GHR: variants seen among roughly 807,000 people sequenced by gnomAD.
GHR encodes the protein GH receptor.
In GHR, 35 loss-of-function variants were observed where a neutral mutation model predicts 67.1. The observed-to-expected ratio is 0.52, with a 90% CI of 0.40 to 0.69. The LOEUF is 0.69. GHR is among the 30% of genes least tolerant of loss of function. The probability of loss-of-function intolerance (pLI) is 0.00; values close to 1 mark genes in which losing one functional copy is unlikely to be tolerated. For missense variants in GHR, 792 were observed against 764.6 expected, an observed-to-expected ratio of 1.04 and a Z score of -0.42; for synonymous variants, 272 against 269.1, an observed-to-expected ratio of 1.01 and a Z score of -0.10.
intron 2 of GHR, among the ~76,000 whole-genome samples, chr5:42,580,904 C>G (rs1314304057): frequency 1.3e-5 from 2 of 152,190 alleles, no homozygotes; most frequent in East Asian, 1.9e-4. Flanking sequence ...TAAAATCACT[C>G]TCCTCTCTCC....
intron 3 of GHR, among the ~76,000 whole-genome samples, chr5:42,658,621 A>G (rs910397392): frequency 1.3e-5 from 2 of 152,306 alleles, no homozygotes; most frequent in Admixed American, 1.3e-4. Context: ...TTCTCATACC[A>G]TAGTGGTTCT....
chr5:42,666,368 GATCT>G (rs1375841969), intron 3 of GHR, among the ~76,000 whole-genome samples: 5 of 152,138 alleles, frequency 3.3e-5, no homozygotes, highest in African/African-American at 1.2e-4. Flanking sequence ...CATTGTTAAT[GATCT>G]ATCTCTTACA....
intron 1 of GHR, among the ~76,000 whole-genome samples, chr5:42,558,197 C>T (rs894805614): frequency 6.6e-6 from 1 of 152,088 alleles, no homozygotes; most frequent in African/African-American, 2.4e-5. Context: ...AAAAAAGCAA[C>T]CTTCCACAGA....
At chr5:42,565,969 C>T in intron 2 of GHR, 25 bp downstream of exon 2, 1 of 1,613,550 alleles carries the variant, frequency 6.2e-7, no homozygotes, top group Non-Finnish European at 8.5e-7. Flanking sequence ...TCCATTTCCA[C>T]CCTCAGTGTT....
chr5:42,708,109 A>G (rs1380521286), intron 6 of GHR, among the ~76,000 whole-genome samples: 1 of 152,170 alleles, frequency 6.6e-6, no homozygotes, highest in African/African-American at 2.4e-5. Flanking sequence ...TAAATATAAC[A>G]AAGTACAAAA....
rs368476642 is a variant in GHR, at chr5:42,572,442, CTCA to C, written c.70+6504_70+6506del. ...CATCTTCAAACCCAAAGCAAACTTCCTCATCATCTGTAGTTAGCAGCATGAAGA... is the reference window on the plus strand; with the variant it reads ...CATCTTCAAACCCAAAGCAAACTTCCTCATCTGTAGTTAGCAGCATGAAGA... On this transcript the variant is annotated intron_variant, in intron 2 of 9. Coordinates refer to ENST00000230882, the MANE Select transcript of GHR (RefSeq NM_000163.5). 5.9e-5 allele frequency among the ~76,000 whole-genome samples: 9 copies of C among 152,314 alleles called. No homozygotes were observed. The East Asian group carries it at 1.7e-3, about 29-fold the overall frequency.
intron 1 of GHR, among the ~76,000 whole-genome samples, chr5:42,534,616 C>G (rs1466816471): frequency 6.6e-6 from 1 of 151,890 alleles, no homozygotes; most frequent in African/African-American, 2.4e-5. Flanking sequence ...AATTGTGCTG[C>G]TATAAATGTG....
intron 6 of GHR, among the ~76,000 whole-genome samples, chr5:42,710,511 A>G (rs760743877): frequency 5.9e-5 from 9 of 152,176 alleles, no homozygotes; most frequent in Non-Finnish European, 1.3e-4. Context: ...CCTCCCCGAG[A>G]AGGTAAAGGA....
At chr5:42,432,386 G>A (rs1282323528) in intron 1 of GHR, among the ~76,000 whole-genome samples, 1 of 152,148 alleles carries the variant, frequency 6.6e-6, no homozygotes, top group South Asian at 2.1e-4. Flanking sequence ...TGCTGTAAAT[G>A]ATCATCTTGA....
chr5:42,664,043 G>A (rs1484603678), intron 3 of GHR, among the ~76,000 whole-genome samples: 1 of 152,190 alleles, frequency 6.6e-6, no homozygotes, highest in Non-Finnish European at 1.5e-5. Flanking sequence ...CAAGGGACAT[G>A]AAGGACCTCT....
At chr5:42,627,461 T>A (rs1368371423) in intron 2 of GHR, among the ~76,000 whole-genome samples, 2 of 152,242 alleles carry the variant, frequency 1.3e-5, no homozygotes, top group African/African-American at 4.8e-5. Flanking sequence ...TCATACTTTA[T>A]CATTTGAAAA....
rs561253136 is a variant in GHR, at chr5:42,482,773, C to T, written c.-12+58818C>T. ...GGGAGTGACCTGATTTTCCAGGTGC[C>T]GTCTGTCACCCCTTTCTTTGACTAG... On this transcript the variant is annotated intron_variant, in intron 1 of 9. Transcript: ENST00000230882. Among the ~76,000 whole-genome samples, 347 of 152,214 alleles carry T rather than the reference C, an allele frequency of 2.3e-3. 1 individual carries two copies. The highest frequency in any genetic ancestry group is 8.0e-3 in the African/African-American group (333 of 41,554).
At chr5:42,467,881 A>G (rs1183253058) in intron 1 of GHR, 3 of 838,124 alleles carry the variant, frequency 3.6e-6, no homozygotes, top group Non-Finnish European at 5.8e-6. Flanking sequence ...CAGATTTCTT[A>G]CATTTCTGGT....
At chr5:42,628,141 G>A (rs948629064) in intron 2 of GHR, among the ~76,000 whole-genome samples, 11 of 152,124 alleles carry the variant, frequency 7.2e-5, no homozygotes, top group African/African-American at 2.2e-4. Context: ...CTGTCTGCTG[G>A]TCAGCTGGCT....
At chr5:42,579,445 G>A (rs901941430) in intron 2 of GHR, among the ~76,000 whole-genome samples, 4 of 152,178 alleles carry the variant, frequency 2.6e-5, no homozygotes, top group Admixed American at 6.5e-5. Context: ...GTTCCAGGGA[G>A]TACTCAGAGG....
At chr5:42,626,011 TC>T (rs34646635) in intron 2 of GHR, among the ~76,000 whole-genome samples, 47,651 of 151,574 alleles carry the variant, frequency 0.31, 8,076 homozygotes, top group African/African-American at 0.46. Context: ...ATAAAACCCA[TC>T]CTGATGAGAA....
intron 4 of GHR, among the ~76,000 whole-genome samples, chr5:42,694,662 G>A (rs1160110079): frequency 1.3e-5 from 2 of 152,156 alleles, no homozygotes; most frequent in East Asian, 3.9e-4. Flanking sequence ...CGATTTATGA[G>A]CAGGCATAGC....
intron 2 of GHR, among the ~76,000 whole-genome samples, chr5:42,566,252 T>G (rs1378686818): frequency 6.6e-6 from 1 of 152,168 alleles, no homozygotes; most frequent in Non-Finnish European, 1.5e-5. Context: ...TTGGGAGAGA[T>G]ATTGAAATTA....
At chr5:42,569,575 G>A (rs1051407799) in intron 2 of GHR, among the ~76,000 whole-genome samples, 1 of 152,122 alleles carries the variant, frequency 6.6e-6, no homozygotes, top group African/African-American at 2.4e-5. Context: ...CCAGACAAAA[G>A]CGCTACCTGC....
Sources: gnomAD v4.1 joint callset for allele counts (sites outside exome capture counted in the v4.1 genomes callset) on GRCh38, gnomAD v4.1.1 for gene constraint, MANE v1.5 for transcripts, NCBI Gene and HGNC (gene_info 2026-07-23, HGNC 2026-07-21) for gene names.